The following PLCB4 variants were observed in gnomAD, a reference collection of about 807,000 sequenced individuals.
PLCB4 encodes the protein phospholipase C beta 4, also known as 1-phosphatidylinositol 4,5-bisphosphate phosphodiesterase beta-4.
Under a neutral mutation model 178.8 loss-of-function variants are expected in PLCB4, and 77 were observed. The ratio of observed to expected loss-of-function variants is 0.43; its 90% CI spans 0.36 to 0.52. The LOEUF (loss-of-function observed/expected upper bound fraction) is 0.52. Ranked by LOEUF, PLCB4 falls within the 20% of genes least tolerant of loss-of-function variation. The probability of loss-of-function intolerance (pLI) is 0.00; values close to 1 mark genes in which losing one functional copy is unlikely to be tolerated. For synonymous variants in PLCB4, 496 were observed against 490.8 expected (o/e 1.01, Z -0.14); for missense variants, 1,024 against 1,453.4 (o/e 0.70, Z 4.80).
chr20:9,236,876 A>G (rs1222036352), intron 3 of PLCB4, among the ~76,000 whole-genome samples: 2 of 152,242 alleles, frequency 1.3e-5, no homozygotes, highest in Admixed American at 1.3e-4. Flanking sequence ...TCATGGGAAC[A>G]GACAACTGAA....
At chr20:9,468,258 A>C (rs1197883609) in intron 35 of PLCB4, among the ~76,000 whole-genome samples, 1 of 152,132 alleles carries the variant, frequency 6.6e-6, no homozygotes, top group African/African-American at 2.4e-5. Flanking sequence ...CTTTTTCCAA[A>C]ATACAGAAGT....
intron 4 of PLCB4, among the ~76,000 whole-genome samples, chr20:9,318,253 G>T (rs967365143): frequency 6.6e-6 from 1 of 152,124 alleles, no homozygotes; most frequent in Non-Finnish European, 1.5e-5. Flanking sequence ...GTCCAAAGCT[G>T]CTAGTTTAGG....
intron 3 of PLCB4, among the ~76,000 whole-genome samples, chr20:9,278,917 C>T (rs1422734866): frequency 1.3e-5 from 2 of 152,016 alleles, no homozygotes; most frequent in Non-Finnish European, 2.9e-5. Context: ...GCCAGGAGAA[C>T]ACAAAAATGA....
At chr20:9,216,749 C>T (rs1164541545) in intron 2 of PLCB4, among the ~76,000 whole-genome samples, 2 of 152,160 alleles carry the variant, frequency 1.3e-5, no homozygotes, top group Non-Finnish European at 2.9e-5. Context: ...AAGTGATCTG[C>T]TTGCCTTGGC....
intron 35 of PLCB4, among the ~76,000 whole-genome samples, chr20:9,462,551 A>G (rs1418828522): frequency 2.0e-5 from 3 of 152,184 alleles, no homozygotes; most frequent in Admixed American, 6.5e-5. Context: ...ACTATAATAA[A>G]CAGTGTAGAG....
At chr20:9,358,569 C>T (rs1156836004) in intron 7 of PLCB4, among the ~76,000 whole-genome samples, 1 of 152,160 alleles carries the variant, frequency 6.6e-6, no homozygotes, top group African/African-American at 2.4e-5. Flanking sequence ...TTTAGGATGA[C>T]GGGCCAGCCT....
rs1176105931 is a variant in PLCB4 at position 9,293,246 on chromosome 20, A to AGAAAGGGAAG, written c.-15-14532_-15-14523dup. 1.0e-4 allele frequency among the ~76,000 whole-genome samples: 15 copies of AGAAAGGGAAG among 150,204 alleles called. No homozygotes were observed. The South Asian group carries it at 2.1e-3, about 21-fold the overall frequency. On this transcript the variant is annotated intron_variant, in intron 3 of 39. Coordinates refer to ENST00000378473, the MANE Select transcript of PLCB4 (RefSeq NM_001377142.1). Reference sequence around the variant, plus strand: ...TGGAAGGAAGGAAGGAAGGGAAGAAAGAAAGGGAAGGAAAGGGAAGGAAAG... The same window carrying AGAAAGGGAAG: ...TGGAAGGAAGGAAGGAAGGGAAGAAAGAAAGGGAAGGAAAGGGAAGGAAAGGGAAGGAAAG...
At chr20:9,407,445 C>T (rs2039529272) in intron 21 of PLCB4, among the ~76,000 whole-genome samples, 1 of 151,368 alleles carries the variant, frequency 6.6e-6, no homozygotes, top group Non-Finnish European at 1.5e-5. Context: ...TCTCAGCTCA[C>T]CTCAACCTCT....
intron 7 of PLCB4, among the ~76,000 whole-genome samples, chr20:9,361,095 G>A (rs539658560): frequency 3.9e-5 from 6 of 152,298 alleles, no homozygotes; most frequent in South Asian, 4.1e-4. Flanking sequence ...GTATGGCCAC[G>A]ATGAAAAACA....
At chr20:9,334,177 G>A (rs186035948) in intron 4 of PLCB4, among the ~76,000 whole-genome samples, 73 of 152,242 alleles carry the variant, frequency 4.8e-4, no homozygotes, top group Admixed American at 2.4e-3. Context: ...TTAGACTAAG[G>A]TAATGGAGCA....
At chr20:9,106,942 T>A (rs184951099) in intron 2 of PLCB4, among the ~76,000 whole-genome samples, 30 of 152,308 alleles carry the variant, frequency 2.0e-4, no homozygotes, top group Admixed American at 1.8e-3. Context: ...GTAGTCAGAC[T>A]GTGGAATACT....
At chr20:9,170,445 A>T (rs904132965) in intron 2 of PLCB4, among the ~76,000 whole-genome samples, 1 of 152,144 alleles carries the variant, frequency 6.6e-6, no homozygotes, top group Non-Finnish European at 1.5e-5. Flanking sequence ...TGGTGAGATA[A>T]CATAAATAGA....
chr20:9,248,152 T>C (rs1010449185), intron 3 of PLCB4, among the ~76,000 whole-genome samples: 2 of 152,062 alleles, frequency 1.3e-5, no homozygotes, highest in African/African-American at 4.8e-5. Context: ...TCTCCATCTA[T>C]ACCCATTACT....
In PLCB4 at chr20:9,322,556, C is replaced by T. The variant is rs527283485; in HGVS notation, c.85-14570C>T. 5.6e-4 allele frequency among the ~76,000 whole-genome samples: 86 copies of T among 152,332 alleles called. No homozygotes were observed. In the Middle Eastern group the frequency reaches 0.01, roughly 18 times the overall value. On this transcript the variant is annotated intron_variant, in intron 4 of 39. Transcript: ENST00000378473. The stretch of plus-strand genomic sequence containing the variant: ...AGGTCCAGCCTGCATTCCCTTTCTA[C>T]TGCAGAGTTACGCTGAGGACAGCAT...
At chr20:9,381,760 G>T (rs1365898612) in intron 13 of PLCB4, among the ~76,000 whole-genome samples, 2 of 152,134 alleles carry the variant, frequency 1.3e-5, no homozygotes, top group African/African-American at 2.4e-5. Flanking sequence ...CCATCTTGGG[G>T]AATATTTTGG....
chr20:9,446,363 A>T (rs1014771416), intron 32 of PLCB4, among the ~76,000 whole-genome samples: 9 of 152,180 alleles, frequency 5.9e-5, no homozygotes, highest in Non-Finnish European at 1.0e-4. Flanking sequence ...AGCACATGGG[A>T]CATTAGGGAA....
rs963262207 is a variant in PLCB4 at position 9,146,509 on chromosome 20, C to G, written c.-79+50167C>G. Among the ~76,000 whole-genome samples the G allele has an allele frequency of 5.9e-5, 9 of 152,142 alleles. 2 individuals are homozygous for G. ...ACATTAACATTTTAAAGAATTTATTCGTGTAGATAGTAATTCATGAATTGG... is the reference window on the plus strand; with the variant it reads ...ACATTAACATTTTAAAGAATTTATTGGTGTAGATAGTAATTCATGAATTGG... On this transcript the variant is annotated intron_variant, in intron 2 of 39. Coordinates refer to ENST00000378473, the MANE Select transcript of PLCB4 (RefSeq NM_001377142.1).
chr20:9,463,071 G>A lies in PLCB4; in HGVS notation c.3248+3261G>A, dbSNP rs986036514. Reference sequence around the variant, plus strand: ...CTATCAGACTAACAGCGGACCTCTCGGCAGAAACCCTACAAGCCAGAAGAA... The same window carrying A: ...CTATCAGACTAACAGCGGACCTCTCAGCAGAAACCCTACAAGCCAGAAGAA... On this transcript the variant is annotated intron_variant, in intron 35 of 39. Coordinates refer to ENST00000378473, the MANE Select transcript of PLCB4 (RefSeq NM_001377142.1). Among the ~76,000 whole-genome samples the A allele has an allele frequency of 5.3e-5, 8 of 152,080 alleles. No homozygotes were observed. In the South Asian group the frequency reaches 6.2e-4, roughly 12 times the overall value.
chr20:9,272,489 A>C (rs933735831), intron 3 of PLCB4, among the ~76,000 whole-genome samples: 1 of 152,066 alleles, frequency 6.6e-6, no homozygotes, highest in Non-Finnish European at 1.5e-5. Context: ...AACCTAGACT[A>C]TTGAGGGTCT....
Sources: gnomAD v4.1 joint callset for allele counts (sites outside exome capture counted in the v4.1 genomes callset) on GRCh38, gnomAD v4.1.1 for gene constraint, MANE v1.5 for transcripts, NCBI Gene and HGNC (gene_info 2026-07-23, HGNC 2026-07-21) for gene names.